The following POLN variants were observed in gnomAD, a reference collection of about 807,000 sequenced individuals.
POLN encodes the protein DNA polymerase nu.
Under a neutral mutation model 113.5 loss-of-function variants are expected in POLN, and 108 were observed. The ratio of observed to expected loss-of-function variants is 0.95; its 90% CI spans 0.81 to 1.12. The LOEUF is 1.12. Ranked by LOEUF, POLN falls within the 50% of genes most tolerant of loss-of-function variation. The pLI, the probability that POLN is intolerant of heterozygous loss-of-function variation, is 0.00. For missense variants in POLN, 1,097 were observed against 1,077.1 expected (o/e 1.02, Z -0.26); for synonymous variants, 386 against 391.5 (o/e 0.99, Z 0.17).
intron 16 of POLN, among the ~76,000 whole-genome samples, chr4:2,152,486 C>A (rs1732320659): frequency 1.3e-5 from 2 of 151,180 alleles, no homozygotes; most frequent in South Asian, 4.2e-4. Flanking sequence ...CCATGCTCAG[C>A]TAATTTAAAG....
intron 7 of POLN, among the ~76,000 whole-genome samples, chr4:2,189,366 A>G (rs988649177): frequency 3.3e-5 from 5 of 152,326 alleles, no homozygotes; most frequent in East Asian, 1.9e-4. Context: ...CCGGCCAGGC[A>G]CAGTGGCTCA....
At chr4:2,145,378 A>C (rs1373626418) in intron 16 of POLN, among the ~76,000 whole-genome samples, 1 of 152,196 alleles carries the variant, frequency 6.6e-6, no homozygotes, top group Non-Finnish European at 1.5e-5. Context: ...CAAACCAACC[A>C]CAGACTGGGA....
chr4:2,105,691 T>A (rs949745533), intron 19 of POLN, among the ~76,000 whole-genome samples: 1 of 151,872 alleles, frequency 6.6e-6, no homozygotes, highest in Non-Finnish European at 1.5e-5. Context: ...GGGACATGAA[T>A]CCAACACATG....
intron 13 of POLN, among the ~76,000 whole-genome samples, chr4:2,161,118 C>G (rs1425517800): frequency 6.6e-6 from 1 of 152,242 alleles, no homozygotes; most frequent in African/African-American, 2.4e-5. Context: ...GCACTCCTCA[C>G]AGCCCTCCCT....
At chr4:2,081,304 G>A (rs1577679613) in intron 22 of POLN, 1 of 987,962 alleles carries the variant, frequency 1.0e-6, no homozygotes, top group Non-Finnish European at 1.5e-6. Flanking sequence ...GGATGGAAGG[G>A]CCTAGGCCAA....
At chr4:2,238,983 G>A (rs1300963518) in intron 2 of POLN, 1 of 1,583,180 alleles carries the variant, frequency 6.3e-7, no homozygotes, top group Non-Finnish European at 8.6e-7. Flanking sequence ...TCTTTTTCAA[G>A]TTTCATAATC....
chr4:2,133,819 G>A (rs535762643), intron 16 of POLN, among the ~76,000 whole-genome samples: 1 of 151,938 alleles, frequency 6.6e-6, no homozygotes, highest in South Asian at 2.1e-4. Context: ...GTCACATTCT[G>A]TCTCCCATCC....
chr4:2,151,952 G>A (rs189537908), intron 16 of POLN, among the ~76,000 whole-genome samples: 1 of 152,152 alleles, frequency 6.6e-6, no homozygotes, highest in East Asian at 1.9e-4. Flanking sequence ...CTCTTAGGAG[G>A]GGGTGTGTGT....
At chr4:2,080,922 T>C (rs1198966585) in intron 23 of POLN, 36 bp downstream of exon 23, 6 of 1,613,244 alleles carry the variant, frequency 3.7e-6, no homozygotes, top group Admixed American at 1.7e-5. Flanking sequence ...ATACTAACCC[T>C]CCCATCCAAG....
intron 24 of POLN, 45 bp from the exon 25 acceptor site, chr4:2,073,074 TG>T: frequency 6.3e-7 from 1 of 1,591,820 alleles, no homozygotes; most frequent in Non-Finnish European, 8.6e-7. Context: ...CTCTTGGCCT[TG>T]GGGCCTGGGA....
At chr4:2,083,041 G>C (rs1024138125) in intron 21 of POLN, 1 of 152,166 alleles carries the variant, frequency 6.6e-6, no homozygotes, top group African/African-American at 2.4e-5. Flanking sequence ...GCTCTGGATG[G>C]TCAGAACTCA....
At chr4:2,221,722 C>T (rs935423782) in intron 3 of POLN, among the ~76,000 whole-genome samples, 4 of 152,130 alleles carry the variant, frequency 2.6e-5, no homozygotes, top group African/African-American at 7.2e-5. Context: ...ATTACAGGCA[C>T]CTGCCACCAT....
chr4:2,130,996 G>A (rs892008950), intron 17 of POLN, among the ~76,000 whole-genome samples: 5 of 152,168 alleles, frequency 3.3e-5, no homozygotes, highest in African/African-American at 1.2e-4. Flanking sequence ...TGACAATATG[G>A]CAAAGCCTCA....
At chr4:2,239,222 G>A (rs1734882875) in intron 2 of POLN, among the ~76,000 whole-genome samples, 1 of 151,982 alleles carries the variant, frequency 6.6e-6, no homozygotes, top group Non-Finnish European at 1.5e-5. Context: ...CTAAGTCAAG[G>A]GTATGAATTA....
chr4:2,205,914 A>G lies in POLN; in HGVS notation c.714+2073T>C, dbSNP rs188008719. Among the ~76,000 whole-genome samples, 16 of 152,044 alleles carry G rather than the reference A, an allele frequency of 1.1e-4. 1 individual carries two copies. The East Asian group carries it at 2.7e-3, about 26-fold the overall frequency. ...AAAAATCTTAAAATTCATATGGAGC[A>G]ACAACAACAAAAAAGCCCACATAGC... On this transcript the variant is annotated intron_variant, in intron 5 of 25. Transcript: ENST00000511885.
rs1234618005 is a variant in POLN at position 2,073,021 on chromosome 4, T to A, written c.2464A>T (p.Arg822Trp). 2 of 1,613,328 alleles carry A rather than the reference T, an allele frequency of 1.2e-6. No individual in the cohort carries two copies. Among genetic ancestry groups the A allele is most frequent in the African/African-American group, 2.7e-5 (2 of 74,940 alleles). ...PQIPECAALV[R>W]RTMESLEQVQ... ...TGTTCCAAGGACTCCATGGTCCTCCTGACGAGAGCTAGAGTGCGGAAGAGA... is the reference window on the plus strand; with the variant it reads ...TGTTCCAAGGACTCCATGGTCCTCCAGACGAGAGCTAGAGTGCGGAAGAGA... Residue 822 changes from arginine (R) to tryptophan (W), a missense_variant, in exon 25 of 26, where the codon AGG becomes TGG. Coordinates refer to ENST00000511885, the MANE Select transcript of POLN (RefSeq NM_181808.4).
At position 2,088,730 on chromosome 4, in the gene POLN, T is replaced by A. The variant is rs1327266102; in HGVS notation, c.2066-2986A>T. On this transcript the variant is annotated intron_variant, in intron 20 of 25. Transcript: ENST00000511885. ...TTGTTACTATTCTCTAGTAAATGCT[T>A]TTTTTTTATTAGCTTTTACAATGTC... 4.2e-6 allele frequency: 5 copies of A among 1,182,702 alleles called. No homozygotes were observed. The African/African-American group carries it at 6.3e-5, about 15-fold the overall frequency. 73.3% of individuals were successfully genotyped at this position (1,182,702 alleles called of 1,614,324 possible).
intron 5 of POLN, among the ~76,000 whole-genome samples, chr4:2,203,798 A>C (rs956231339): frequency 2.2e-4 from 33 of 151,986 alleles, no homozygotes; most frequent in African/African-American, 7.7e-4. Context: ...TGAAACAAAC[A>C]AACAAAATAC....
intron 17 of POLN, among the ~76,000 whole-genome samples, chr4:2,130,345 A>C (rs1486613425): frequency 6.6e-6 from 1 of 151,882 alleles, no homozygotes; most frequent in Non-Finnish European, 1.5e-5. Context: ...AAGACTGCTC[A>C]TTGGGCTTCA....
Sources: gnomAD v4.1 joint callset for allele counts (sites outside exome capture counted in the v4.1 genomes callset) on GRCh38, gnomAD v4.1.1 for gene constraint, MANE v1.5 for transcripts, NCBI Gene and HGNC (gene_info 2026-07-23, HGNC 2026-07-21) for gene names.